USP15: variants seen among roughly 807,000 people sequenced by gnomAD.
The protein encoded by USP15 is ubiquitin specific peptidase 15.
Under a neutral mutation model 127.1 loss-of-function variants are expected in USP15, and 18 were observed. That is an observed-to-expected ratio of 0.14 (90% CI 0.10 to 0.21). The LOEUF is 0.21. Ranked by LOEUF, USP15 falls within the 10% of genes least tolerant of loss-of-function variation. USP15 has a pLI of 1.00. For synonymous variants in USP15, 364 were observed against 393.7 expected (o/e 0.92, Z 0.89); for missense variants, 805 against 1,159.9 (o/e 0.69, Z 4.44).
intron 6 of USP15, among the ~76,000 whole-genome samples, chr12:62,344,151 C>T (rs1277897100): frequency 1.3e-5 from 2 of 152,166 alleles, no homozygotes; most frequent in African/African-American, 4.8e-5. Flanking sequence ...AGTACACAGT[C>T]CAGTGTCTCA....
intron 8 of USP15, among the ~76,000 whole-genome samples, chr12:62,359,628 G>C (rs777303058): frequency 6.6e-6 from 1 of 151,914 alleles, no homozygotes; most frequent in Non-Finnish European, 1.5e-5. Context: ...CTTTTTCCAC[G>C]TGGACCTTAG....
chr12:62,361,872 T>C (rs1353357162), intron 8 of USP15, among the ~76,000 whole-genome samples: 1 of 152,088 alleles, frequency 6.6e-6, no homozygotes, highest in Non-Finnish European at 1.5e-5. Flanking sequence ...GTCAGTGAGT[T>C]GGTTACTTAA....
In USP15 at chr12:62,359,538, A is replaced by G. The variant is rs373907390; in HGVS notation, c.915+4063A>G. On this transcript the variant is annotated intron_variant, in intron 8 of 21. Coordinates refer to ENST00000280377, the MANE Select transcript of USP15 (RefSeq NM_001252078.2). ...TGTAGAAATTATCTCATCTTTTTTT[A>G]AAATTCAACAAGTTAAGCAGAATGA... 3.3e-5 allele frequency among the ~76,000 whole-genome samples: 5 copies of G among 152,088 alleles called. No individual in the cohort carries two copies. The South Asian group carries it at 8.3e-4, about 25-fold the overall frequency.
intron 8 of USP15, among the ~76,000 whole-genome samples, chr12:62,370,119 C>T (rs1164786720): frequency 1.3e-5 from 2 of 152,110 alleles, no homozygotes; most frequent in Admixed American, 6.5e-5. Context: ...GGACCACAAG[C>T]GTGCACCACC....
intron 8 of USP15, among the ~76,000 whole-genome samples, chr12:62,359,549 A>G (rs2066248395): frequency 3.9e-5 from 6 of 152,134 alleles, no homozygotes; most frequent in Admixed American, 3.9e-4. Flanking sequence ...AAATTCAACA[A>G]GTTAAGCAGA....
At chr12:62,290,370 G>T (rs1282297577) in intron 1 of USP15, among the ~76,000 whole-genome samples, 1 of 151,962 alleles carries the variant, frequency 6.6e-6, no homozygotes, top group Non-Finnish European at 1.5e-5. Context: ...TAATAACTTT[G>T]TGTATTTTTT....
chr12:62,393,037 TTC>T lies in USP15; in HGVS notation c.2421-14_2421-13del, dbSNP rs775915153. 2.8e-5 allele frequency: 45 copies of T among 1,612,180 alleles called. No homozygotes were observed. Among genetic ancestry groups the T allele is most frequent in the Admixed American group, 8.4e-5 (5 of 59,740 alleles). The stretch of plus-strand genomic sequence containing the variant: ...TGTACCTCTATCAAGTGTTAAATAC[TTC>T]TGTTTATTCTTAGGTATTGTCCGAA... On this transcript the variant is annotated splice_polypyrimidine_tract_variant and intron_variant, in intron 18 of 21. Transcript: ENST00000280377.
At chr12:62,322,690 T>C (rs2065018224) in intron 5 of USP15, among the ~76,000 whole-genome samples, 1 of 152,206 alleles carries the variant, frequency 6.6e-6, no homozygotes, top group Non-Finnish European at 1.5e-5. Flanking sequence ...CATTCTAAAA[T>C]GTAAACTTCA....
At position 62,399,701 on chromosome 12, in the gene USP15, A is replaced by G. The variant is rs1482027325; in HGVS notation, c.2675-1486A>G. On this transcript the variant is annotated intron_variant, in intron 20 of 21. Transcript: ENST00000280377. ...TTCTCTCCATGGTTGATATTTGAGGAGAGGGAACCAACAACAGATAGAATA... is the reference window on the plus strand; with the variant it reads ...TTCTCTCCATGGTTGATATTTGAGGGGAGGGAACCAACAACAGATAGAATA... 3.3e-5 allele frequency among the ~76,000 whole-genome samples: 5 copies of G among 152,028 alleles called. No homozygotes were observed. The East Asian group carries it at 9.6e-4, about 29-fold the overall frequency.
intron 19 of USP15, among the ~76,000 whole-genome samples, chr12:62,394,995 G>A (rs181274305): frequency 5.9e-5 from 9 of 152,140 alleles, no homozygotes; most frequent in Non-Finnish European, 1.0e-4. Flanking sequence ...ACAAGAAGTC[G>A]TTTTCCAGGT....
chr12:62,280,297 G>C (rs2063611101), intron 1 of USP15, among the ~76,000 whole-genome samples: 1 of 152,108 alleles, frequency 6.6e-6, no homozygotes, highest in Non-Finnish European at 1.5e-5. Context: ...GTTATGGAGG[G>C]ATTCCCTGAA....
At chr12:62,401,638 T>C (rs2067692571) in intron 21 of USP15, among the ~76,000 whole-genome samples, 1 of 151,882 alleles carries the variant, frequency 6.6e-6, no homozygotes, top group African/African-American at 2.4e-5. Context: ...ATCCTTGAAG[T>C]ACCTTACCGT....
In USP15 at chr12:62,330,596, A is replaced by T. The variant is rs552835772; in HGVS notation, c.683+4663A>T. Among the ~76,000 whole-genome samples the T allele has an allele frequency of 9.2e-3, 1,396 of 151,466 alleles. 8 individuals carry two copies. Among genetic ancestry groups the T allele is most frequent in the Non-Finnish European group, 0.015 (1,002 of 67,836 alleles). On this transcript the variant is annotated intron_variant, in intron 6 of 21. Transcript: ENST00000280377. Reference sequence around the variant, plus strand: ...GTGAGACTCCATCTCAAAAAAAAAAAAAAAAATAGAATGCCTCTGTGTTCA... The same window carrying T: ...GTGAGACTCCATCTCAAAAAAAAAATAAAAAATAGAATGCCTCTGTGTTCA...
At position 62,381,495 on chromosome 12, in the gene USP15, G is replaced by T; in HGVS notation, c.921G>T (p.Leu307Phe). ...ATATATTTTATTTTTTGCAGTGTTT[G>T]AGCAACACACCTCCACTTACTGAGT... ...TCFMNSAIQC[L>F]SNTPPLTEYF... is the part of the protein sequence containing the mutation. The change falls in exon 9 of 22, where the codon TTG becomes TTT. Residue 307 changes from leucine (L) to phenylalanine (F), a missense_variant. Physicochemically the swap from Leu to Phe is conservative, Grantham distance 22. This residue lies in a region of USP15 where 84 missense variants were observed against 210.3 expected (regional missense o/e 0.40). Coordinates refer to ENST00000280377, the MANE Select transcript of USP15 (RefSeq NM_001252078.2). 1 of 1,597,110 alleles carries T rather than the reference G, an allele frequency of 6.3e-7. No homozygotes were observed. The highest frequency in any genetic ancestry group is 1.1e-5 in the South Asian group (1 of 88,432).
At chr12:62,289,427 T>G (rs1029768543) in intron 1 of USP15, among the ~76,000 whole-genome samples, 2 of 152,178 alleles carry the variant, frequency 1.3e-5, no homozygotes, top group African/African-American at 4.8e-5. Flanking sequence ...TGACCTTTTG[T>G]ATTTCTGCAG....
intron 9 of USP15, 57 bp from the exon 10 acceptor site, chr12:62,383,783 T>C (rs2067061027): frequency 6.5e-7 from 1 of 1,547,264 alleles, no homozygotes; most frequent in Non-Finnish European, 8.8e-7. Context: ...ATTGTACATA[T>C]GTTTAAAAAT....
chr12:62,310,404 G>T (rs763326641), intron 3 of USP15, among the ~76,000 whole-genome samples: 4 of 151,658 alleles, frequency 2.6e-5, no homozygotes, highest in Non-Finnish European at 5.9e-5. Context: ...CCTTCCCAGT[G>T]TCTGTTATCT....
chr12:62,342,377 G>T (rs2065672692), intron 6 of USP15, among the ~76,000 whole-genome samples: 1 of 152,074 alleles, frequency 6.6e-6, no homozygotes, highest in African/African-American at 2.4e-5. Flanking sequence ...GCTCAGAGGA[G>T]TTTGTTATTA....
rs1018357778 is a variant in USP15, at chr12:62,410,096, C to T, written c.*5721C>T. ...AACCTTGAGTCATTTCTATTAAATA[C>T]AGCATTTAATCTTCTTTCAAGTGAG... On this transcript the variant is annotated 3_prime_UTR_variant, in exon 22 of 22. Transcript: ENST00000280377. The T allele has an allele frequency of 3.9e-5, 6 of 152,176 alleles. No individual in the cohort carries two copies. The highest frequency in any genetic ancestry group is 1.4e-4 in the African/African-American group (6 of 41,558). 9.4% of individuals were successfully genotyped at this position (152,176 alleles called of 1,614,324 possible). A position where few individuals can be genotyped will look rare whatever the true frequency, so the allele number is the denominator to read the frequency against.
Sources: allele counts gnomAD v4.1 joint callset (sites outside exome capture counted in the v4.1 genomes callset), GRCh38; gene constraint gnomAD v4.1.1; regional missense constraint gnomAD v4.1.1; transcripts MANE v1.5; gene names NCBI Gene and HGNC (gene_info 2026-07-23, HGNC 2026-07-21).